The following SLC12A4 variants were observed in gnomAD, a reference collection of about 807,000 sequenced individuals.
The protein encoded by SLC12A4 is solute carrier family 12 member 4.
In SLC12A4, 84 loss-of-function variants were observed where a neutral mutation model predicts 119.2. The observed-to-expected ratio is 0.70, with a 90% CI of 0.59 to 0.85. The LOEUF (loss-of-function observed/expected upper bound fraction) is 0.85, where lower values mean the gene tolerates loss of function less well. Ranked by LOEUF, SLC12A4 falls within the 40% of genes least tolerant of loss-of-function variation. The pLI is 0.00. For missense variants in SLC12A4, 1,298 were observed against 1,476.3 expected, an observed-to-expected ratio of 0.88 and a Z score of 1.98; for synonymous variants, 599 against 604.6, an observed-to-expected ratio of 0.99 and a Z score of 0.14.
intron 14 of SLC12A4, 108 bp downstream of exon 14, chr16:67,947,953 C>T: frequency 1.4e-6 from 2 of 1,479,718 alleles, no homozygotes; most frequent in East Asian, 2.3e-5. Flanking sequence ...GCCCTATAAT[C>T]TCCCTCCCCA....
intron 1 of SLC12A4, among the ~76,000 whole-genome samples, chr16:67,967,942 C>A (rs1480894434): frequency 5.3e-5 from 8 of 152,184 alleles, no homozygotes; most frequent in Non-Finnish European, 1.2e-4. Flanking sequence ...ATAGACCCCC[C>A]AGTAGGCACA....
chr16:67,947,879 G>A (rs952268745), intron 14 of SLC12A4, 91 bp from the exon 15 acceptor site: 24 of 1,520,088 alleles, frequency 1.6e-5, no homozygotes, highest in Middle Eastern at 1.9e-4. Flanking sequence ...GTCAGGTCCC[G>A]GGTGGGAGGT....
Position 67,956,614 on chromosome 16 carries a change from ATGGAGGTTGCAG to A in SLC12A4, c.544+1116_544+1127del, listed in dbSNP as rs369337464. ...ACTTAGAATTGCTTAAACCTGGGAA[ATGGAGGTTGCAG>A]TGAGCTGAGATCATGCCACTGCACT... On this transcript the variant is annotated intron_variant, in intron 5 of 23. Transcript: ENST00000316341. Among the ~76,000 whole-genome samples the A allele has an allele frequency of 5.3e-3, 798 of 150,856 alleles. 8 individuals carry two copies. Among genetic ancestry groups the A allele is most frequent in the African/African-American group, 0.018 (733 of 41,086 alleles).
chr16:67,958,918 C>T (rs976927296), intron 3 of SLC12A4, among the ~76,000 whole-genome samples: 6 of 152,138 alleles, frequency 3.9e-5, no homozygotes, highest in Non-Finnish European at 8.8e-5. Flanking sequence ...CTGATACTCC[C>T]TATCACAGTG....
Position 67,951,908 on chromosome 16 carries a change from C to T in SLC12A4, c.1047G>A (p.Thr349=), listed in dbSNP as rs1418939340. The T allele has an allele frequency of 6.2e-6, 10 of 1,613,802 alleles. No individual in the cohort carries two copies. Among genetic ancestry groups the T allele is most frequent in the Non-Finnish European group, 7.6e-6 (9 of 1,180,022 alleles). The part of the protein sequence containing the change: ...WSFFCHSPNL[T]TDSCDPYFML... ...TGAAGTAGGGGTCACAGGAGTCGGTCGTAAGGTTGGGGCTGTGGCAGAAGA... is the reference window on the plus strand; with the variant it reads ...TGAAGTAGGGGTCACAGGAGTCGGTTGTAAGGTTGGGGCTGTGGCAGAAGA... Residue 349 remains threonine, a synonymous_variant, in exon 8 of 24, where the codon ACG becomes ACA. Coordinates refer to ENST00000316341, the MANE Select transcript of SLC12A4 (RefSeq NM_005072.5). The surrounding 1 kb of genome is among the most constrained non-coding windows in gnomAD (Gnocchi z 5.2).
At chr16:67,954,565 CAGCCTG>C in intron 6 of SLC12A4, 72 bp downstream of exon 6, 3 of 1,564,138 alleles carry the variant, frequency 1.9e-6, no homozygotes, top group Non-Finnish European at 2.6e-6. Flanking sequence ...TGGGGATGAA[CAGCCTG>C]AGCCTTCTGT....
At chr16:67,948,922 C>T (rs1412556605) in intron 13 of SLC12A4, among the ~76,000 whole-genome samples, 3 of 152,136 alleles carry the variant, frequency 2.0e-5, no homozygotes, top group East Asian at 3.9e-4. Flanking sequence ...GTACAGGGCC[C>T]CTGTCAAGTC....
At position 67,948,082 on chromosome 16, in the gene SLC12A4, G is replaced by A; in HGVS notation, c.1826C>T (p.Pro609Leu). 1 of 1,613,140 alleles carries A rather than the reference G, an allele frequency of 6.2e-7. No homozygotes were observed. Among genetic ancestry groups the A allele is most frequent in the Non-Finnish European group, 8.5e-7 (1 of 1,179,956 alleles). The change falls in exon 14 of 24, where the codon CCC (proline) becomes CTC (leucine). Residue 609 changes from proline (P) to leucine (L), a missense_variant. Physicochemically the swap from Pro to Leu is moderately conservative, Grantham distance 98 (BLOSUM62 -3). Coordinates refer to ENST00000316341, the MANE Select transcript of SLC12A4 (RefSeq NM_005072.5). ...QTLLRTPNWR[P>L]RFKYYHWALS... is the part of the protein sequence containing the mutation. ...TCACCAGTGATAGTACTTGAACCGG[G>A]GCCGCCAGTTGGGGGTCCTCAGGAG...
At chr16:67,958,443 G>A (rs1013487679) in intron 3 of SLC12A4, among the ~76,000 whole-genome samples, 7 of 152,014 alleles carry the variant, frequency 4.6e-5, no homozygotes, top group African/African-American at 7.2e-5. Context: ...CTCTAGTCCC[G>A]GTAGACACTA....
chr16:67,949,624 T>C lies in SLC12A4; in HGVS notation c.1748+176A>G, dbSNP rs1251320348. 5.4e-6 allele frequency: 3 copies of C among 560,572 alleles called. No homozygotes were observed. The highest frequency in any genetic ancestry group is 9.5e-6 in the Non-Finnish European group (3 of 317,302). The allele number at this position is 560,572 out of a possible 1,614,324, so 34.7% of individuals were successfully genotyped here. A position where few individuals can be genotyped will look rare whatever the true frequency, so the allele number is the denominator to read the frequency against. ...TATTGGTCACCTTATAGCTTTGGCA[T>C]AGGTGCCAGGCTTGCTCCTAAATGC... On this transcript the variant is annotated intron_variant, in intron 13 of 23. Coordinates refer to ENST00000316341, the MANE Select transcript of SLC12A4 (RefSeq NM_005072.5). The surrounding 1 kb of genome is among the most constrained non-coding windows in gnomAD (Gnocchi z 4.6).
chr16:67,948,312 G>A (rs1567415874), intron 13 of SLC12A4, among the ~76,000 whole-genome samples, 153 bp from the exon 14 acceptor site: 2 of 152,274 alleles, frequency 1.3e-5, no homozygotes, highest in Non-Finnish European at 2.9e-5. Context: ...CACCTCCATG[G>A]CCTGAGGCAA....
At chr16:67,948,389 G>A (rs1052152301) in intron 13 of SLC12A4, among the ~76,000 whole-genome samples, 2 of 152,254 alleles carry the variant, frequency 1.3e-5, no homozygotes, top group Non-Finnish European at 2.9e-5. Flanking sequence ...GCTGTTGGAG[G>A]AGGTAGGAAG....
At chr16:67,958,275 ACT>A (rs1272136372) in intron 3 of SLC12A4, among the ~76,000 whole-genome samples, 2 of 151,902 alleles carry the variant, frequency 1.3e-5, no homozygotes, top group Non-Finnish European at 2.9e-5. Flanking sequence ...TGGAACCTTA[ACT>A]CTCTCTCAAG....
At chr16:67,964,181 G>A in intron 1 of SLC12A4, 1 of 1,290,304 alleles carries the variant, frequency 7.8e-7, no homozygotes, top group South Asian at 1.5e-5. Flanking sequence ...AAGAAAGTCG[G>A]ACGGGTGGGT....
intron 1 of SLC12A4, among the ~76,000 whole-genome samples, chr16:67,964,454 C>G (rs2151340339): frequency 6.6e-6 from 1 of 152,160 alleles, no homozygotes; most frequent in South Asian, 2.1e-4. Flanking sequence ...AACTCTTGTC[C>G]CTTATGAGTC....
In SLC12A4 at chr16:67,963,268, G is replaced by A. The variant is rs2030679343; in HGVS notation, c.210+197C>T. On this transcript the variant is annotated intron_variant, in intron 2 of 23. Coordinates refer to ENST00000316341, the MANE Select transcript of SLC12A4 (RefSeq NM_005072.5). ...CCACCCTGGAGGTAGCAATGGGGGT[G>A]GGATTGTGAGTGGCCTCTGGAAAGG... The A allele has an allele frequency of 8.1e-6, 3 of 371,352 alleles. 1 individual carries two copies. In the Admixed American group the frequency reaches 1.5e-4, roughly 18 times the overall value. The allele number at this position is 371,352 out of a possible 1,614,324, so 23.0% of individuals were successfully genotyped here.
At chr16:67,957,860 C>T (rs773040614) in intron 4 of SLC12A4, 38 bp downstream of exon 4, 1 of 1,614,044 alleles carries the variant, frequency 6.2e-7, no homozygotes, top group Non-Finnish European at 8.5e-7. Context: ...CAGCCGTGGC[C>T]CATGCCCAGC....
At position 67,946,041 on chromosome 16, in the gene SLC12A4, C is replaced by T. The variant is rs746841325; in HGVS notation, c.2649G>A (p.Gln883=). 1 of 1,614,058 alleles carries T rather than the reference C, an allele frequency of 6.2e-7. No homozygotes were observed. Among genetic ancestry groups the T allele is most frequent in the East Asian group, 2.2e-5 (1 of 44,884 alleles). Residue 883 remains glutamine (Q), a synonymous_variant, in exon 20 of 24, where the codon CAG becomes CAA. Transcript: ENST00000316341. ...KCRMRIFTVA[Q]MDDNSIQMKK... ...TCATCTGGATGCTGTTGTCATCCAT[C>T]TGGGCCACTGTGAAGATGCGCATCC...
Position 67,945,969 on chromosome 16 carries a change from C to T in SLC12A4, c.2721G>A (p.Glu907=), listed in dbSNP as rs148439192. ...VFLYHLRLEA[E]VEVVEMHNSD... ...GGCTCACCATCTCCACCACCTCCACCTCGGCCTCAAGGCGCAGATGGTACA... is the reference window on the plus strand; with the variant it reads ...GGCTCACCATCTCCACCACCTCCACTTCGGCCTCAAGGCGCAGATGGTACA... The change falls in exon 20 of 24, where the codon GAG becomes GAA. Residue 907 remains glutamate, a synonymous_variant. Coordinates refer to ENST00000316341, the MANE Select transcript of SLC12A4 (RefSeq NM_005072.5). The T allele has an allele frequency of 6.2e-7, 1 of 1,613,782 alleles. No homozygotes were observed.
Sources: allele counts gnomAD v4.1 joint callset (sites outside exome capture counted in the v4.1 genomes callset), GRCh38; gene constraint gnomAD v4.1.1; non-coding constraint Gnocchi (gnomAD v3.1); transcripts MANE v1.5; gene names NCBI Gene and HGNC (gene_info 2026-07-23, HGNC 2026-07-21).